Variants in NCAM2 observed in about 807,000 individuals in gnomAD.
NCAM2 encodes the protein neural cell adhesion molecule 2, also known as N-CAM-2.
In NCAM2, 30 loss-of-function variants were observed where a neutral mutation model predicts 98.1. That is an observed-to-expected ratio of 0.31 (90% CI 0.23 to 0.41). The LOEUF (loss-of-function observed/expected upper bound fraction) is 0.41, where lower values mean the gene tolerates loss of function less well. Among genes scored for constraint, NCAM2 ranks in the 10% least tolerant of loss-of-function variants. The probability of loss-of-function intolerance (pLI) is 1.00; values close to 1 mark genes in which losing one functional copy is unlikely to be tolerated. For synonymous variants in NCAM2, 368 were observed against 342.4 expected (o/e 1.07, Z -0.83); for missense variants, 867 against 1,005.8 (o/e 0.86, Z 1.87).
intron 15 of NCAM2, among the ~76,000 whole-genome samples, chr21:21,492,476 T>A (rs1986920079): frequency 1.3e-5 from 2 of 151,924 alleles, no homozygotes; most frequent in African/African-American, 4.8e-5. Flanking sequence ...TGCTTCCCTA[T>A]GACCAAGGTA....
intron 11 of NCAM2, among the ~76,000 whole-genome samples, chr21:21,421,741 A>G (rs1194409204): frequency 1.3e-5 from 2 of 152,158 alleles, no homozygotes; most frequent in Non-Finnish European, 2.9e-5. Flanking sequence ...TCATTGGCCT[A>G]TTTGCCTTGT....
chr21:21,529,758 C>T (rs1002743524), intron 16 of NCAM2, among the ~76,000 whole-genome samples: 5 of 151,694 alleles, frequency 3.3e-5, no homozygotes, highest in Non-Finnish European at 7.4e-5. Context: ...CTCTCTCTCT[C>T]TCTGTGTTAA....
chr21:21,074,500 G>A (rs967804914), intron 1 of NCAM2, among the ~76,000 whole-genome samples: 18 of 152,132 alleles, frequency 1.2e-4, no homozygotes, highest in Non-Finnish European at 2.1e-4. Context: ...AAGTCACCAT[G>A]AAGGTTTACT....
intron 1 of NCAM2, among the ~76,000 whole-genome samples, chr21:21,200,798 T>C (rs566035455): frequency 6.8e-6 from 1 of 146,358 alleles, no homozygotes; most frequent in South Asian, 2.2e-4. Context: ...CAAAAGCATT[T>C]TGGTTCCATC....
At chr21:21,041,341 A>G (rs1206602133) in intron 1 of NCAM2, among the ~76,000 whole-genome samples, 1 of 152,106 alleles carries the variant, frequency 6.6e-6, no homozygotes, top group Non-Finnish European at 1.5e-5. Context: ...TCTCAACAGA[A>G]TTTTTTCACT....
intron 1 of NCAM2, among the ~76,000 whole-genome samples, chr21:21,267,679 A>C (rs898043369): frequency 6.6e-6 from 1 of 152,108 alleles, no homozygotes; most frequent in African/African-American, 2.4e-5. Flanking sequence ...AATTACATAC[A>C]TTTGTCTTTG....
At chr21:21,488,732 T>A (rs942959527) in intron 15 of NCAM2, among the ~76,000 whole-genome samples, 2 of 151,748 alleles carry the variant, frequency 1.3e-5, no homozygotes, top group Admixed American at 6.6e-5. Flanking sequence ...TAATATGATA[T>A]AAGCAACATT....
At chr21:21,438,690 A>G (rs1203913944) in intron 12 of NCAM2, among the ~76,000 whole-genome samples, 2 of 152,206 alleles carry the variant, frequency 1.3e-5, no homozygotes, top group African/African-American at 2.4e-5. Context: ...TGTGGGTTTC[A>G]TACACCTCAC....
chr21:21,316,835 C>T (rs190121452), intron 5 of NCAM2, among the ~76,000 whole-genome samples: 189 of 152,192 alleles, frequency 1.2e-3, no homozygotes, highest in African/African-American at 4.4e-3. Flanking sequence ...TTAGCCACCG[C>T]GCCCGGCCAT....
At chr21:21,101,068 G>C (rs542119098) in intron 1 of NCAM2, among the ~76,000 whole-genome samples, 1 of 152,016 alleles carries the variant, frequency 6.6e-6, no homozygotes, top group Non-Finnish European at 1.5e-5. Flanking sequence ...TGTCTATTTT[G>C]TGAGGTATTA....
rs368408183 is a variant in NCAM2 at position 21,001,329 on chromosome 21, A to C, written c.55+2711A>C. On this transcript the variant is annotated intron_variant, in intron 1 of 17. Transcript: ENST00000400546. Reference sequence around the variant, plus strand: ...TATTGTAGCAGAAATACTCCTTTAAAAGCCTCTAATTTCCACTGCAAGATT... The same window carrying C: ...TATTGTAGCAGAAATACTCCTTTAACAGCCTCTAATTTCCACTGCAAGATT... Among the ~76,000 whole-genome samples the C allele has an allele frequency of 3.9e-5, 6 of 152,306 alleles. No homozygotes were observed. The East Asian group carries it at 1.2e-3, about 29-fold the overall frequency.
chr21:21,484,416 A>T (rs1986167994), intron 15 of NCAM2, among the ~76,000 whole-genome samples: 1 of 151,246 alleles, frequency 6.6e-6, no homozygotes, highest in Non-Finnish European at 1.5e-5. Flanking sequence ...TAATTATTTC[A>T]TTCTTATTCT....
At chr21:21,234,774 A>T (rs1233958938) in intron 1 of NCAM2, among the ~76,000 whole-genome samples, 2 of 151,920 alleles carry the variant, frequency 1.3e-5, no homozygotes, top group Admixed American at 6.6e-5. Flanking sequence ...CTTGATCCAT[A>T]TGATCATTAC....
intron 9 of NCAM2, among the ~76,000 whole-genome samples, chr21:21,390,773 A>T (rs2076363824): frequency 6.6e-6 from 1 of 152,252 alleles, no homozygotes; most frequent in African/African-American, 2.4e-5. Flanking sequence ...AGAGAAAAAC[A>T]TTAATCACAG....
At chr21:21,532,569 G>T (rs1989766222) in intron 16 of NCAM2, among the ~76,000 whole-genome samples, 1 of 152,054 alleles carries the variant, frequency 6.6e-6, no homozygotes, top group African/African-American at 2.4e-5. Context: ...ATTAAAATCA[G>T]AATTCACTAG....
chr21:21,191,990 G>A (rs1376684992), intron 1 of NCAM2, among the ~76,000 whole-genome samples: 1 of 152,168 alleles, frequency 6.6e-6, no homozygotes, highest in Non-Finnish European at 1.5e-5. Context: ...GGGAGGCCGA[G>A]GCAGGCGGAT....
chr21:21,061,637 G>T (rs1020651926), intron 1 of NCAM2, among the ~76,000 whole-genome samples: 3 of 152,054 alleles, frequency 2.0e-5, no homozygotes, highest in Admixed American at 1.3e-4. Context: ...TTCTTATGAA[G>T]TAAGTACTAT....
At chr21:21,413,955 A>AATGAAGT (rs2076936608) in intron 10 of NCAM2, among the ~76,000 whole-genome samples, 1 of 152,234 alleles carries the variant, frequency 6.6e-6, no homozygotes. Flanking sequence ...CCTATAGCAG[A>AATGAAGT]ACATCTTTCA....
At chr21:21,295,831 CTGTT>C (rs200043295) in intron 5 of NCAM2, among the ~76,000 whole-genome samples, 6,274 of 126,054 alleles carry the variant, frequency 0.05, 234 homozygotes, top group East Asian at 0.31. Flanking sequence ...GTGCTTTTGT[CTGTT>C]TCTCTCTCTC....
Sources: gnomAD v4.1 joint callset for allele counts (sites outside exome capture counted in the v4.1 genomes callset) on GRCh38, gnomAD v4.1.1 for gene constraint, MANE v1.5 for transcripts, NCBI Gene and HGNC (gene_info 2026-07-23, HGNC 2026-07-21) for gene names.